Variants in FREM1 observed in about 807,000 individuals in gnomAD.
FREM1 encodes the protein FRAS1 related extracellular matrix 1, also known as FRAS1-related extracellular matrix protein 1.
In FREM1, 220 loss-of-function variants were observed where a neutral mutation model predicts 210.1. The ratio of observed to expected loss-of-function variants is 1.05; its 90% CI spans 0.94 to 1.17. The LOEUF (loss-of-function observed/expected upper bound fraction) is 1.17, where lower values mean the gene tolerates loss of function less well. Ranked by LOEUF, FREM1 falls within the 50% of genes most tolerant of loss-of-function variation. FREM1 has a pLI of 0.00. For synonymous variants in FREM1, 1,189 were observed against 980.2 expected, an observed-to-expected ratio of 1.21 and a Z score of -3.98; for missense variants, 3,454 against 2,675.5, an observed-to-expected ratio of 1.29 and a Z score of -6.42.
rs1040244120 is a variant in FREM1, at chr9:14,859,418, A to G, written c.396T>C (p.Cys132=). The G allele has an allele frequency of 1.5e-5, 25 of 1,613,792 alleles. No homozygotes were observed. Among genetic ancestry groups the G allele is most frequent in the Non-Finnish European group, 2.0e-5 (24 of 1,179,782 alleles). The part of the protein sequence containing the change: ...ILWVYLLEPD[C]NIIHMSNNVL... The stretch of plus-strand genomic sequence containing the variant: ...CATTGTTACTCATATGGATGATGTT[A>G]CAGTCTGGTTCCAGGAGATAGACCC... The change falls in exon 4 of 37, where the codon TGT becomes TGC. Residue 132 remains cysteine, a synonymous_variant. Transcript: ENST00000380880.
intron 32 of FREM1, 58 bp from the exon 33 acceptor site, chr9:14,747,486 C>T: frequency 1.3e-6 from 2 of 1,512,842 alleles, no homozygotes; most frequent in Non-Finnish European, 1.8e-6. Context: ...AGATAGCAAA[C>T]AAAAAAATGA....
At chr9:14,886,360 T>C (rs1258984247) in intron 1 of FREM1, among the ~76,000 whole-genome samples, 1 of 111,184 alleles carries the variant, frequency 9.0e-6, no homozygotes, top group Non-Finnish European at 1.6e-5. Flanking sequence ...CACTCCAGCC[T>C]GGTGACAGAG....
At chr9:14,815,522 AT>A (rs1820134377) in intron 15 of FREM1, among the ~76,000 whole-genome samples, 2 of 152,074 alleles carry the variant, frequency 1.3e-5, no homozygotes, top group African/African-American at 4.8e-5. Context: ...AACATGGTAT[AT>A]TTTTCTTCAG....
intron 1 of FREM1, among the ~76,000 whole-genome samples, chr9:14,875,580 A>T (rs951960463): frequency 2.6e-5 from 4 of 151,922 alleles, no homozygotes; most frequent in African/African-American, 9.7e-5. Context: ...ATTCGTCTAA[A>T]TTTTTTTTAA....
In FREM1 at chr9:14,816,831, G is replaced by A; in HGVS notation, c.2587C>T (p.Leu863Phe). ...TTTGTGCCATCGGTGACCTCCAAGAGTAGGTCATCCTGAAGAACTTCAGTT... is the reference window on the plus strand; with the variant it reads ...TTTGTGCCATCGGTGACCTCCAAGAATAGGTCATCCTGAAGAACTTCAGTT... ...DGTEVLQDDL[L>F]LEVTDGTNSA... Residue 863 changes from leucine to phenylalanine, a missense_variant, in exon 15 of 37, where the codon CTC becomes TTC. Leu to Phe is a conservative substitution (Grantham distance 22). Coordinates refer to ENST00000380880, the MANE Select transcript of FREM1 (RefSeq NM_001379081.2). 1 of 1,442,668 alleles carries A rather than the reference G, an allele frequency of 6.9e-7. No individual in the cohort carries two copies. The highest frequency in any genetic ancestry group is 9.4e-7 in the Non-Finnish European group (1 of 1,069,200). 89.4% of individuals were successfully genotyped at this position (1,442,668 alleles called of 1,614,324 possible). A position where few individuals can be genotyped will look rare whatever the true frequency, so the allele number is the denominator to read the frequency against.
chr9:14,873,974 G>A (rs1399825188), intron 1 of FREM1, among the ~76,000 whole-genome samples: 3 of 152,022 alleles, frequency 2.0e-5, no homozygotes, highest in Non-Finnish European at 4.4e-5. Flanking sequence ...GTAGTTGAGT[G>A]GTTTTGAGTG....
intron 19 of FREM1, among the ~76,000 whole-genome samples, chr9:14,803,814 C>T (rs760583561): frequency 6.6e-6 from 1 of 152,134 alleles, no homozygotes; most frequent in South Asian, 2.1e-4. Flanking sequence ...TTTATCTAGC[C>T]CTACTTATTA....
Position 14,824,780 on chromosome 9 carries a change from G to C in FREM1, c.2078+16C>G, listed in dbSNP as rs779298158. ...AATCCTAGAACTAGTAGCCCAAATG[G>C]TGACTTTTCAGATACCTGTGGCTGA... On this transcript the variant is annotated intron_variant, in intron 11 of 36. Coordinates refer to ENST00000380880, the MANE Select transcript of FREM1 (RefSeq NM_001379081.2). 1 of 1,591,912 alleles carries C rather than the reference G, an allele frequency of 6.3e-7. No homozygotes were observed. Among genetic ancestry groups the C allele is most frequent in the Non-Finnish European group, 8.6e-7 (1 of 1,164,576 alleles).
rs1250614091 is a variant in FREM1 at position 14,827,028 on chromosome 9, T to C, written c.1882-2036A>G. ...AGACAGAGTTAGGTACTGAAATACC[T>C]GAAAATGTGGAAGTAGCTTTAGAAC... On this transcript the variant is annotated intron_variant, in intron 10 of 36. Transcript: ENST00000380880. Among the ~76,000 whole-genome samples, 4 of 152,174 alleles carry C rather than the reference T, an allele frequency of 2.6e-5. No individual in the cohort carries two copies. The South Asian group carries it at 6.2e-4, about 24-fold the overall frequency.
chr9:14,812,984 C>T lies in FREM1; in HGVS notation c.2721G>A (p.Val907=). ...PVMNCSEGGE[V]VITSEYIFAT... ...CAAAAATGTATTCAGAGGTGATGAC[C>T]ACCTCTCCTCCCTCTGAGCAATTCA... Residue 907 remains valine, a synonymous_variant, in exon 16 of 37, where the codon GTG becomes GTA. Transcript: ENST00000380880. The T allele has an allele frequency of 6.2e-7, 1 of 1,613,912 alleles. No homozygotes were observed. Among genetic ancestry groups the T allele is most frequent in the Non-Finnish European group, 8.5e-7 (1 of 1,179,840 alleles).
chr9:14,871,780 G>T (rs1185744872), intron 1 of FREM1, among the ~76,000 whole-genome samples: 1 of 152,000 alleles, frequency 6.6e-6, no homozygotes, highest in African/African-American at 2.4e-5. Context: ...CGGTTTTTAC[G>T]GTTTTTACGG....
intron 10 of FREM1, among the ~76,000 whole-genome samples, chr9:14,826,784 T>C (rs1445393740): frequency 6.6e-6 from 1 of 152,172 alleles, no homozygotes; most frequent in Non-Finnish European, 1.5e-5. Context: ...GAATTCATCT[T>C]CTATCCCTTT....
intron 7 of FREM1, 95 bp from the exon 8 acceptor site, chr9:14,846,186 AT>A: frequency 5.8e-6 from 6 of 1,032,156 alleles, no homozygotes; most frequent in Non-Finnish European, 8.6e-6. Context: ...GCCATAAAAA[AT>A]AATGAGTTCA....
intron 21 of FREM1, among the ~76,000 whole-genome samples, chr9:14,795,962 C>T (rs936084928): frequency 1.8e-4 from 28 of 152,092 alleles, no homozygotes; most frequent in African/African-American, 6.5e-4. Context: ...ACTATGACAG[C>T]CTTCATATTT....
intron 24 of FREM1, among the ~76,000 whole-genome samples, chr9:14,776,752 T>C (rs1032551936): frequency 2.6e-5 from 4 of 152,214 alleles, no homozygotes; most frequent in Non-Finnish European, 5.9e-5. Context: ...TTCTCAGACA[T>C]GTAATCTCAC....
At chr9:14,861,584 G>A (rs548530031) in intron 3 of FREM1, among the ~76,000 whole-genome samples, 163 of 137,250 alleles carry the variant, frequency 1.2e-3, no homozygotes, top group African/African-American at 4.3e-3. Flanking sequence ...TCGGCTCACC[G>A]CAACCTCTGC....
intron 2 of FREM1, among the ~76,000 whole-genome samples, chr9:14,866,661 T>C (rs916539643): frequency 6.6e-6 from 1 of 152,164 alleles, no homozygotes; most frequent in African/African-American, 2.4e-5. Context: ...CACAATATAC[T>C]CAGGCCCACT....
chr9:14,848,786 A>G lies in FREM1; in HGVS notation c.1153-13T>C. 1 of 1,530,804 alleles carries G rather than the reference A, an allele frequency of 6.5e-7. No homozygotes were observed. The highest frequency in any genetic ancestry group is 9.1e-7 in the Non-Finnish European group (1 of 1,104,526). 94.8% of individuals were successfully genotyped at this position (1,530,804 alleles called of 1,614,324 possible). On this transcript the variant is annotated splice_polypyrimidine_tract_variant and intron_variant, in intron 6 of 36. Transcript: ENST00000380880. ...CCTCCAATTCTACCTGTAAACAAAC[A>G]GAGGCAAAGGAGCCACACACTGAAG...
chr9:14,769,035 A>G (rs1847027772), intron 27 of FREM1, among the ~76,000 whole-genome samples: 1 of 152,192 alleles, frequency 6.6e-6, no homozygotes, highest in Non-Finnish European at 1.5e-5. Context: ...ACTATCTGTT[A>G]GCTGGTAAGA....
Sources: allele counts gnomAD v4.1 joint callset (sites outside exome capture counted in the v4.1 genomes callset), GRCh38; gene constraint gnomAD v4.1.1; transcripts MANE v1.5; gene names NCBI Gene and HGNC (gene_info 2026-07-23, HGNC 2026-07-21).